ARHGAP42: variants seen among roughly 807,000 people sequenced by gnomAD.
ARHGAP42 encodes rho GTPase-activating protein 42.
In ARHGAP42, 63 loss-of-function variants were observed where a neutral mutation model predicts 125.0. The observed-to-expected ratio is 0.50, with a 90% CI of 0.41 to 0.62. The LOEUF (loss-of-function observed/expected upper bound fraction) is 0.62. ARHGAP42 is among the 20% of genes least tolerant of loss of function. The pLI, the probability that ARHGAP42 is intolerant of heterozygous loss-of-function variation, is 0.00. For missense variants in ARHGAP42, 766 were observed against 1,024.2 expected (o/e 0.75, Z 3.44); for synonymous variants, 339 against 351.0 (o/e 0.97, Z 0.38).
intron 10 of ARHGAP42, among the ~76,000 whole-genome samples, chr11:100,944,263 A>G (rs1003435545): frequency 2.6e-5 from 4 of 152,062 alleles, no homozygotes; most frequent in Non-Finnish European, 5.9e-5. Context: ...TGGGAATACT[A>G]TAAGCTTCTT....
intron 1 of ARHGAP42, among the ~76,000 whole-genome samples, chr11:100,708,896 TAAC>T (rs745837564): frequency 6.6e-6 from 1 of 152,174 alleles, no homozygotes; most frequent in Non-Finnish European, 1.5e-5. Flanking sequence ...AGTGAGAGAT[TAAC>T]AACAATAATC....
chr11:100,924,112 A>G (rs748225205), intron 6 of ARHGAP42, among the ~76,000 whole-genome samples: 26 of 152,146 alleles, frequency 1.7e-4, no homozygotes, highest in Non-Finnish European at 3.2e-4. Context: ...CATGTTGCAG[A>G]AATCTAGTAG....
chr11:100,988,269 T>C (rs1440398102), intron 23 of ARHGAP42, among the ~76,000 whole-genome samples: 1 of 152,142 alleles, frequency 6.6e-6, no homozygotes, highest in Non-Finnish European at 1.5e-5. Context: ...ATTCCAACTT[T>C]AGAGGGCTGT....
intron 21 of ARHGAP42, 81 bp from the exon 22 acceptor site, chr11:100,978,906 A>T: frequency 2.1e-6 from 3 of 1,406,940 alleles, no homozygotes; most frequent in Admixed American, 4.0e-5. Context: ...TGTCTTGTTT[A>T]ACTGGCAATC....
chr11:100,992,190 C>T lies in ARHGAP42; in HGVS notation c.*3389C>T. On this transcript the variant is annotated 3_prime_UTR_variant, in exon 24 of 24. Coordinates refer to ENST00000298815, the MANE Select transcript of ARHGAP42 (RefSeq NM_152432.4). ...TTAAATCATGTATTCAGGATGCCTT[C>T]TTTAGCATTTAGAACCCCAACTAGA... is the stretch of plus-strand genomic sequence containing the variant. 3 of 1,160,468 alleles carry T rather than the reference C, an allele frequency of 2.6e-6. No homozygotes were observed. The South Asian group carries it at 5.0e-5, about 19-fold the overall frequency. The allele number at this position is 1,160,468 out of a possible 1,614,324, so 71.9% of individuals were successfully genotyped here.
At chr11:100,852,561 C>T (rs1217258886) in intron 3 of ARHGAP42, among the ~76,000 whole-genome samples, 1 of 152,096 alleles carries the variant, frequency 6.6e-6, no homozygotes, top group African/African-American at 2.4e-5. Context: ...GAAGCTCCCT[C>T]CCCTTGCTCC....
At chr11:100,891,352 C>T (rs1195589417) in intron 4 of ARHGAP42, among the ~76,000 whole-genome samples, 2 of 151,940 alleles carry the variant, frequency 1.3e-5, no homozygotes, top group African/African-American at 2.4e-5. Flanking sequence ...ATTTATTACC[C>T]GTCTGCATGC....
At chr11:100,891,944 A>G (rs1309196675) in intron 4 of ARHGAP42, among the ~76,000 whole-genome samples, 1 of 152,188 alleles carries the variant, frequency 6.6e-6, no homozygotes, top group Non-Finnish European at 1.5e-5. Context: ...AGGGGAAAGG[A>G]GGGCTGTCTA....
intron 3 of ARHGAP42, among the ~76,000 whole-genome samples, chr11:100,800,023 C>A (rs1298975858): frequency 6.6e-6 from 1 of 152,104 alleles, no homozygotes; most frequent in African/African-American, 2.4e-5. Flanking sequence ...AGTAAGGGGA[C>A]TATGGTCAGC....
intron 8 of ARHGAP42, among the ~76,000 whole-genome samples, chr11:100,937,411 G>A (rs1393813625): frequency 6.6e-6 from 1 of 152,034 alleles, no homozygotes; most frequent in East Asian, 1.9e-4. Flanking sequence ...GGACTCTAAG[G>A]AAATTTTTAT....
intron 17 of ARHGAP42, among the ~76,000 whole-genome samples, chr11:100,966,986 A>G (rs1429602925): frequency 1.3e-5 from 2 of 152,214 alleles, no homozygotes; most frequent in Non-Finnish European, 2.9e-5. Flanking sequence ...TGAGCCATAT[A>G]CATTTGAAAT....
At chr11:100,945,291 T>C (rs1867986072) in intron 10 of ARHGAP42, among the ~76,000 whole-genome samples, 1 of 151,542 alleles carries the variant, frequency 6.6e-6, no homozygotes, top group Admixed American at 6.6e-5. Flanking sequence ...CTTCCTCCAC[T>C]GAAGTCTTGA....
At chr11:100,930,298 A>C (rs1353004211) in intron 6 of ARHGAP42, among the ~76,000 whole-genome samples, 1 of 152,194 alleles carries the variant, frequency 6.6e-6, no homozygotes, top group South Asian at 2.1e-4. Context: ...CTTTCATTTC[A>C]CATCTTGGAA....
chr11:100,872,820 G>A (rs763801841), intron 4 of ARHGAP42, among the ~76,000 whole-genome samples: 39 of 152,208 alleles, frequency 2.6e-4, no homozygotes, highest in African/African-American at 4.1e-4. Context: ...AAAAACATTC[G>A]ATTCAATGGT....
intron 1 of ARHGAP42, among the ~76,000 whole-genome samples, chr11:100,751,282 T>G (rs1406178899): frequency 8.4e-4 from 78 of 92,320 alleles, no homozygotes; most frequent in African/African-American, 2.7e-3. Context: ...TGTGTGTGTT[T>G]TTTTTTTTTT....
chr11:100,936,477 G>A, intron 8 of ARHGAP42, 145 bp downstream of exon 8: 1 of 1,183,378 alleles, frequency 8.5e-7, no homozygotes, highest in South Asian at 1.7e-5. Context: ...CAACCAAAGT[G>A]AGGACGTTTT....
At chr11:100,967,718 CCTTTT>C (rs1858131365) in intron 17 of ARHGAP42, among the ~76,000 whole-genome samples, 1 of 151,706 alleles carries the variant, frequency 6.6e-6, no homozygotes, top group Admixed American at 6.6e-5. Flanking sequence ...TTAGACTGAC[CCTTTT>C]CTTTTTTTTG....
chr11:100,954,171 G>T (rs1857740095), intron 12 of ARHGAP42, among the ~76,000 whole-genome samples: 1 of 152,094 alleles, frequency 6.6e-6, no homozygotes, highest in Non-Finnish European at 1.5e-5. Flanking sequence ...AGTTTTGTGT[G>T]ATGGCTTCTG....
chr11:100,945,602 A>C (rs1440608408), intron 10 of ARHGAP42, among the ~76,000 whole-genome samples: 1 of 152,142 alleles, frequency 6.6e-6, no homozygotes, highest in East Asian at 1.9e-4. Context: ...TGAATATATT[A>C]TTCTCCATTT....
Sources: allele counts gnomAD v4.1 joint callset (sites outside exome capture counted in the v4.1 genomes callset), GRCh38; gene constraint gnomAD v4.1.1; transcripts MANE v1.5; gene names NCBI Gene and HGNC (gene_info 2026-07-23, HGNC 2026-07-21).